The following NMBR variants were observed in gnomAD, a reference collection of about 807,000 sequenced individuals.
NMBR encodes neuromedin B receptor.
In NMBR, 16 loss-of-function variants were observed where a neutral mutation model predicts 20.5. The ratio of observed to expected loss-of-function variants is 0.78; its 90% CI spans 0.53 to 1.19. NMBR has a LOEUF of 1.19. Among genes scored for constraint, NMBR ranks in the 50% most tolerant of loss-of-function variants. The probability of loss-of-function intolerance (pLI) is 0.00; values close to 1 mark genes in which losing one functional copy is unlikely to be tolerated. For synonymous variants in NMBR, 212 were observed against 196.6 expected (o/e 1.08, Z -0.65); for missense variants, 582 against 499.1 (o/e 1.17, Z -1.58).
intron 1 of NMBR, among the ~76,000 whole-genome samples, chr6:142,145,697 C>A (rs1307772149): frequency 1.3e-5 from 2 of 152,038 alleles, no homozygotes; most frequent in Non-Finnish European, 2.9e-5. Context: ...TGTTGTAGAC[C>A]AAGGAAATTG....
intron 1 of NMBR, among the ~76,000 whole-genome samples, chr6:142,098,227 T>A (rs1466767161): frequency 6.6e-6 from 1 of 151,750 alleles, no homozygotes; most frequent in Non-Finnish European, 1.5e-5. Context: ...CAAAGAAAAA[T>A]TTGCCAAGAT....
chr6:142,086,475 C>A (rs1777202506), intron 2 of NMBR, among the ~76,000 whole-genome samples: 1 of 152,054 alleles, frequency 6.6e-6, no homozygotes. Context: ...CAATATATAA[C>A]AAACCATTTC....
chr6:142,078,855 C>T lies in NMBR; in HGVS notation c.471G>A (p.Leu157=), dbSNP rs1777016648. The part of the protein sequence containing the change: ...NPMDMQTSGA[L]LRTCVKAMGI... ...CCATGGCCTTCACACAGGTCCGCAG[C>T]AATGCCCCTGACGTCTGCATGTCCA... Residue 157 remains leucine (L), a synonymous_variant, in exon 3 of 4, where the codon TTG becomes TTA. Coordinates refer to ENST00000258042, the MANE Select transcript of NMBR (RefSeq NM_002511.4). The T allele has an allele frequency of 6.2e-7, 1 of 1,613,638 alleles. No homozygotes were observed. Among genetic ancestry groups the T allele is most frequent in the East Asian group, 2.2e-5 (1 of 44,858 alleles).
intron 1 of NMBR, among the ~76,000 whole-genome samples, chr6:142,091,754 T>A (rs1414409070): frequency 6.6e-6 from 1 of 152,176 alleles, no homozygotes. Context: ...GAGAAAGCAA[T>A]TATGTCAAAA....
At position 142,107,207 on chromosome 6, in the gene NMBR, A is replaced by G. The variant is rs186547012; in HGVS notation, c.-663-17886T>C. On this transcript the variant is annotated intron_variant, in intron 1 of 3. Transcript: ENST00000258042. ...CTATCTAGGAGACCAGCCAAAGTCT[A>G]TGGCATTTGAGACTTGACCCACTCT... Among the ~76,000 whole-genome samples the G allele has an allele frequency of 1.2e-3, 188 of 152,334 alleles. 1 individual carries two copies. Among genetic ancestry groups the G allele is most frequent in the African/African-American group, 4.4e-3 (181 of 41,578 alleles).
At chr6:142,118,040 T>G (rs2114595398) in intron 1 of NMBR, among the ~76,000 whole-genome samples, 1 of 152,004 alleles carries the variant, frequency 6.6e-6, no homozygotes. Context: ...AACCATTGAT[T>G]ATTAGATGTA....
At chr6:142,108,230 C>T (rs1020101668) in intron 1 of NMBR, among the ~76,000 whole-genome samples, 8 of 152,104 alleles carry the variant, frequency 5.3e-5, no homozygotes, top group Admixed American at 1.3e-4. Flanking sequence ...ATCAAAGAAA[C>T]TCAATAAATT....
At chr6:142,124,068 G>A (rs190080700) in intron 1 of NMBR, among the ~76,000 whole-genome samples, 99 of 151,950 alleles carry the variant, frequency 6.5e-4, no homozygotes, top group African/African-American at 2.2e-3. Context: ...CAGTCTAGCC[G>A]AAAAATTGGA....
intron 1 of NMBR, among the ~76,000 whole-genome samples, chr6:142,104,244 A>G (rs1231810214): frequency 6.6e-6 from 1 of 152,256 alleles, no homozygotes; most frequent in African/African-American, 2.4e-5. Context: ...TACAATAACT[A>G]AATGATAATT....
chr6:142,137,663 A>C lies in NMBR; in HGVS notation c.-664+9381T>G, dbSNP rs866659246. Among the ~76,000 whole-genome samples, 20 of 152,262 alleles carry C rather than the reference A, an allele frequency of 1.3e-4. No homozygotes were observed. The South Asian group carries it at 2.5e-3, about 19-fold the overall frequency. ...AGATAGCTCTTATTATTTTGAGATA[A>C]GTCCCATCAATACCTAATTTCTTGA... On this transcript the variant is annotated intron_variant, in intron 1 of 3. Transcript: ENST00000258042.
chr6:142,094,543 G>C (rs1777406169), intron 1 of NMBR, among the ~76,000 whole-genome samples: 1 of 152,074 alleles, frequency 6.6e-6, no homozygotes, highest in African/African-American at 2.4e-5. Context: ...ATGCTGTTTT[G>C]GCTACTGTAG....
chr6:142,105,495 T>A lies in NMBR; in HGVS notation c.-663-16174A>T, dbSNP rs535050435. Among the ~76,000 whole-genome samples the A allele has an allele frequency of 3.3e-5, 5 of 152,354 alleles. No individual in the cohort carries two copies. The East Asian group carries it at 9.6e-4, about 29-fold the overall frequency. On this transcript the variant is annotated intron_variant, in intron 1 of 3. Coordinates refer to ENST00000258042, the MANE Select transcript of NMBR (RefSeq NM_002511.4). The stretch of plus-strand genomic sequence containing the variant: ...CCACACAAGATTTCCATAAACCTTT[T>A]GTTTTACATTTTCTCCAACTTTATA...
Position 142,078,901 on chromosome 6 carries a change from T to C in NMBR, c.425A>G (p.Tyr142Cys). Residue 142 changes from tyrosine to cysteine, a missense_variant and splice_region_variant, in exon 3 of 4, where the codon TAC (tyrosine) becomes TGC (cysteine). Coordinates refer to ENST00000258042, the MANE Select transcript of NMBR (RefSeq NM_002511.4). Reference sequence around the variant, plus strand: ...GTCCATGGGGTTAACGATGGCTCTGTACCTGGGAAAATGATACATCTCAAG... The same window carrying C: ...GTCCATGGGGTTAACGATGGCTCTGCACCTGGGAAAATGATACATCTCAAG... ...FTLTALSADRYRAIVNPMDMQ... is the reference protein window; with the variant it reads ...FTLTALSADRCRAIVNPMDMQ... The C allele has an allele frequency of 1.3e-6, 2 of 1,579,166 alleles. No individual in the cohort carries two copies. Among genetic ancestry groups the C allele is most frequent in the Non-Finnish European group, 1.7e-6 (2 of 1,161,066 alleles).
At chr6:142,106,150 G>A (rs139269451) in intron 1 of NMBR, among the ~76,000 whole-genome samples, 1,732 of 152,298 alleles carry the variant, frequency 0.011, 19 homozygotes, top group Non-Finnish European at 0.017. Context: ...ACCTGTCTGA[G>A]TCCTGAATTT....
chr6:142,144,691 G>T (rs1334633532), intron 1 of NMBR, among the ~76,000 whole-genome samples: 3 of 152,160 alleles, frequency 2.0e-5, no homozygotes, highest in African/African-American at 7.2e-5. Flanking sequence ...TTCAATGTGT[G>T]TTACACTAAC....
intron 1 of NMBR, among the ~76,000 whole-genome samples, 175 bp downstream of exon 1, chr6:142,146,869 T>C (rs757228360): frequency 1.3e-5 from 2 of 152,252 alleles, no homozygotes; most frequent in Non-Finnish European, 2.9e-5. Context: ...AATATTAATG[T>C]GGCATATTAA....
At chr6:142,094,161 C>T (rs2114573147) in intron 1 of NMBR, among the ~76,000 whole-genome samples, 1 of 152,052 alleles carries the variant, frequency 6.6e-6, no homozygotes, top group Middle Eastern at 3.4e-3. Context: ...TTAATTAGAT[C>T]CCATTTGTCA....
chr6:142,095,195 T>C (rs1284625217), intron 1 of NMBR, among the ~76,000 whole-genome samples: 1 of 152,082 alleles, frequency 6.6e-6, no homozygotes, highest in East Asian at 1.9e-4. Flanking sequence ...CTATGTTGAA[T>C]AGGAGTGGTG....
intron 1 of NMBR, among the ~76,000 whole-genome samples, chr6:142,092,711 A>G (rs1236542608): frequency 1.3e-5 from 2 of 152,160 alleles, no homozygotes; most frequent in Non-Finnish European, 2.9e-5. Flanking sequence ...GCCCATGCAC[A>G]AGGATAAGGA....
Sources: gnomAD v4.1 joint callset for allele counts (sites outside exome capture counted in the v4.1 genomes callset) on GRCh38, gnomAD v4.1.1 for gene constraint, MANE v1.5 for transcripts, NCBI Gene and HGNC (gene_info 2026-07-23, HGNC 2026-07-21) for gene names.